The following REEP1 variants were observed in gnomAD, a reference collection of about 807,000 sequenced individuals.
The protein encoded by REEP1 is receptor accessory protein 1.
Under a neutral mutation model 40.3 loss-of-function variants are expected in REEP1, and 22 were observed. That is an observed-to-expected ratio of 0.55 (90% CI 0.39 to 0.78). The LOEUF (loss-of-function observed/expected upper bound fraction) is 0.78, where lower values mean the gene tolerates loss of function less well. Among genes scored for constraint, REEP1 ranks in the 30% least tolerant of loss-of-function variants. The pLI is 0.00. For missense variants in REEP1, 280 were observed against 361.1 expected (o/e 0.78, Z 1.82); for synonymous variants, 116 against 139.2 (o/e 0.83, Z 1.17).
intron 1 of REEP1, among the ~76,000 whole-genome samples, chr2:86,290,618 A>G (rs1263381027): frequency 6.6e-6 from 1 of 152,180 alleles, no homozygotes; most frequent in Non-Finnish European, 1.5e-5. Context: ...AAGCCTTCCC[A>G]AAACCATAAT....
Position 86,330,829 on chromosome 2 carries a change from T to G in REEP1, c.32+6650A>C, listed in dbSNP as rs571152850. Among the ~76,000 whole-genome samples the G allele has an allele frequency of 2.5e-4, 38 of 152,268 alleles. 1 individual carries two copies. The highest frequency in any genetic ancestry group is 6.5e-5 in the Admixed American group (1 of 15,292). On this transcript the variant is annotated intron_variant, in intron 1 of 8. Coordinates refer to ENST00000538924, the MANE Select transcript of REEP1 (RefSeq NM_001371279.1). ...GTGAATGCGATGAGCAGAGTACCCC[T>G]GCCAACCCACAGTAACAGGCAGCAG...
At chr2:86,259,481 G>A (rs1676743642) in intron 3 of REEP1, among the ~76,000 whole-genome samples, 1 of 151,488 alleles carries the variant, frequency 6.6e-6, no homozygotes, top group Non-Finnish European at 1.5e-5. Flanking sequence ...CGCCTCCCGG[G>A]TTCAAGTGAT....
intron 2 of REEP1, among the ~76,000 whole-genome samples, chr2:86,278,512 C>T (rs945207409): frequency 9.2e-5 from 14 of 152,066 alleles, no homozygotes; most frequent in Admixed American, 1.3e-4. Context: ...GTTTTTAAGC[C>T]GAAATGTGGG....
chr2:86,295,269 G>C (rs1318825814), intron 1 of REEP1, among the ~76,000 whole-genome samples: 2 of 152,144 alleles, frequency 1.3e-5, no homozygotes, highest in African/African-American at 2.4e-5. Context: ...GAGAGACTGG[G>C]GCGGGAACCC....
chr2:86,319,483 C>G (rs1680186715), intron 1 of REEP1, among the ~76,000 whole-genome samples: 1 of 152,004 alleles, frequency 6.6e-6, no homozygotes, highest in Non-Finnish European at 1.5e-5. Context: ...GCACTTGAGG[C>G]CAGGAATTCG....
chr2:86,230,446 C>T (rs534932298), intron 6 of REEP1, among the ~76,000 whole-genome samples: 10 of 152,368 alleles, frequency 6.6e-5, no homozygotes, highest in African/African-American at 2.4e-4. Flanking sequence ...AACACAGACT[C>T]TTAGAGGCAA....
intron 1 of REEP1, among the ~76,000 whole-genome samples, chr2:86,305,100 A>G (rs1679423607): frequency 6.6e-6 from 1 of 152,032 alleles, no homozygotes; most frequent in South Asian, 2.1e-4. Context: ...ATATACAGAT[A>G]TTGGTTAAAT....
intron 1 of REEP1, among the ~76,000 whole-genome samples, chr2:86,296,194 T>G (rs944967058): frequency 1.3e-5 from 2 of 152,212 alleles, no homozygotes; most frequent in African/African-American, 4.8e-5. Flanking sequence ...AAGTTACCAG[T>G]ATAGCACTCC....
chr2:86,290,934 A>G (rs903265368), intron 1 of REEP1, among the ~76,000 whole-genome samples: 11 of 152,162 alleles, frequency 7.2e-5, no homozygotes, highest in Admixed American at 3.9e-4. Flanking sequence ...AAAACAGCAG[A>G]ACTGGCCCAC....
intron 6 of REEP1, among the ~76,000 whole-genome samples, chr2:86,230,418 G>C (rs2104030775): frequency 6.6e-6 from 1 of 152,298 alleles, no homozygotes; most frequent in African/African-American, 2.4e-5. Flanking sequence ...CCTCCACTGG[G>C]CTCACCTCTA....
chr2:86,334,607 T>C (rs1680926254), intron 1 of REEP1, among the ~76,000 whole-genome samples: 1 of 152,168 alleles, frequency 6.6e-6, no homozygotes, highest in African/African-American at 2.4e-5. Flanking sequence ...TCAGTTGTTT[T>C]TATTAGCAGT....
chr2:86,234,192 A>G lies in REEP1; in HGVS notation c.418-1390T>C, dbSNP rs960389735. ...AATGAGTTCATTAGAGGGGAGGGGG[A>G]AAAAAAGGGGCTTGCAGTCAGGTTT... is the stretch of plus-strand genomic sequence containing the variant. On this transcript the variant is annotated intron_variant, in intron 5 of 8. Coordinates refer to ENST00000538924, the MANE Select transcript of REEP1 (RefSeq NM_001371279.1). Among the ~76,000 whole-genome samples, 5 of 151,906 alleles carry G rather than the reference A, an allele frequency of 3.3e-5. No homozygotes were observed. The South Asian group carries it at 1.0e-3, about 32-fold the overall frequency.
chr2:86,327,924 T>C (rs1161749988), intron 1 of REEP1, among the ~76,000 whole-genome samples: 1 of 151,970 alleles, frequency 6.6e-6, no homozygotes, highest in Non-Finnish European at 1.5e-5. Flanking sequence ...GAGAAAACAG[T>C]CAGGAGGGTT....
chr2:86,237,252 A>C (rs1027424843), intron 5 of REEP1, among the ~76,000 whole-genome samples: 3 of 152,198 alleles, frequency 2.0e-5, no homozygotes, highest in African/African-American at 7.2e-5. Flanking sequence ...TCTAACACAT[A>C]TCTCACTGAC....
chr2:86,326,874 C>T (rs1476765825), intron 1 of REEP1, among the ~76,000 whole-genome samples: 5 of 152,164 alleles, frequency 3.3e-5, no homozygotes, highest in Admixed American at 1.3e-4. Flanking sequence ...TTCTAGCCAC[C>T]CACAGGTTCT....
chr2:86,227,505 C>G (rs1674773538), intron 6 of REEP1, 107 bp from the exon 7 acceptor site: 1 of 888,410 alleles, frequency 1.1e-6, no homozygotes, highest in Non-Finnish European at 1.5e-6. Flanking sequence ...CCAGTGTGTA[C>G]AATATAGGGA....
chr2:86,326,685 C>T (rs1680522815), intron 1 of REEP1, among the ~76,000 whole-genome samples: 1 of 151,722 alleles, frequency 6.6e-6, no homozygotes, highest in African/African-American at 2.4e-5. Context: ...GCACTCCAGC[C>T]TGGGCGACAA....
intron 2 of REEP1, among the ~76,000 whole-genome samples, chr2:86,281,924 T>C (rs1292129562): frequency 6.6e-6 from 1 of 152,098 alleles, no homozygotes; most frequent in Non-Finnish European, 1.5e-5. Flanking sequence ...CTGAGAAACC[T>C]CCAATTCCAG....
chr2:86,280,917 G>T (rs1008123457), intron 2 of REEP1, among the ~76,000 whole-genome samples: 1 of 152,012 alleles, frequency 6.6e-6, no homozygotes, highest in Non-Finnish European at 1.5e-5. Context: ...CTTTACCTTC[G>T]CCAAACCTGC....
Sources: gnomAD v4.1 joint callset for allele counts (sites outside exome capture counted in the v4.1 genomes callset) on GRCh38, gnomAD v4.1.1 for gene constraint, MANE v1.5 for transcripts, NCBI Gene and HGNC (gene_info 2026-07-23, HGNC 2026-07-21) for gene names.